Variants in HDAC5 observed in about 807,000 individuals in gnomAD.
The protein encoded by HDAC5 is antigen NY-CO-9.
HDAC5 carries 25 observed loss-of-function variants against 133.3 expected under a neutral mutation model. That is an observed-to-expected ratio of 0.19 (90% CI 0.14 to 0.26). HDAC5 has a LOEUF of 0.26. HDAC5 is among the 10% of genes least tolerant of loss of function. The pLI is 1.00. For synonymous variants in HDAC5, 589 were observed against 610.8 expected (o/e 0.96, Z 0.53); for missense variants, 1,041 against 1,460.5 (o/e 0.71, Z 4.68).
chr17:44,111,574 C>T (rs1029577211), intron 2 of HDAC5: 12 of 516,686 alleles, frequency 2.3e-5, no homozygotes, highest in Non-Finnish European at 4.6e-5. Context: ...CGTCTTTCTT[C>T]TTGCCTTCCA....
In HDAC5 at chr17:44,077,290, T is replaced by C. The variant is rs917713366; in HGVS notation, c.*1086A>G. 3.3e-5 allele frequency: 5 copies of C among 152,600 alleles called. No homozygotes were observed. The highest frequency in any genetic ancestry group is 1.2e-4 in the African/African-American group (5 of 41,404). 9.5% of individuals were successfully genotyped at this position (152,600 alleles called of 1,614,324 possible). On this transcript the variant is annotated 3_prime_UTR_variant, in exon 27 of 27. Transcript: ENST00000682912. Reference sequence around the variant, plus strand: ...GACAGCGCCCAGCCCCCTCCTGGTCTTAGCTCCCTTGGGCTGGTGGTCAGC... The same window carrying C: ...GACAGCGCCCAGCCCCCTCCTGGTCCTAGCTCCCTTGGGCTGGTGGTCAGC...
At chr17:44,078,916 G>A in intron 24 of HDAC5, 37 bp from the exon 25 acceptor site, 5 of 1,606,988 alleles carry the variant, frequency 3.1e-6, no homozygotes, top group Non-Finnish European at 4.3e-6. Flanking sequence ...AGGGTGGGGA[G>A]TAGGGTTGCC....
At chr17:44,116,540 T>C (rs374474980) in intron 2 of HDAC5, among the ~76,000 whole-genome samples, 13 of 152,246 alleles carry the variant, frequency 8.5e-5, no homozygotes, top group African/African-American at 2.9e-4. Flanking sequence ...AATTGCCCTA[T>C]CTCTAAAAGG....
At chr17:44,083,962 A>G (rs2050521289) in intron 16 of HDAC5, 108 bp from the exon 17 acceptor site, 2 of 871,060 alleles carry the variant, frequency 2.3e-6, no homozygotes, top group Non-Finnish European at 3.9e-6. Flanking sequence ...CATCTCTACT[A>G]AAAATACAAA....
intron 2 of HDAC5, among the ~76,000 whole-genome samples, chr17:44,113,529 A>G (rs57999394): frequency 0.019 from 2,954 of 152,190 alleles, 96 homozygotes; most frequent in African/African-American, 0.068. Flanking sequence ...TCTAACTTCA[A>G]TCCTTCATGC....
intron 3 of HDAC5, among the ~76,000 whole-genome samples, chr17:44,110,192 A>G (rs1266772830): frequency 6.6e-6 from 1 of 152,230 alleles, no homozygotes; most frequent in Non-Finnish European, 1.5e-5. Flanking sequence ...GCCTAACTCC[A>G]TCATGACTGC....
At position 44,083,837 on chromosome 17, in the gene HDAC5, T is replaced by C; in HGVS notation, c.2323A>G (p.Met775Val). 6.6e-7 allele frequency: 1 copy of C among 1,513,292 alleles called. No individual in the cohort carries two copies. The highest frequency in any genetic ancestry group is 8.9e-7 in the Non-Finnish European group (1 of 1,118,138). The allele number at this position is 1,513,292 out of a possible 1,614,324, so 93.7% of individuals were successfully genotyped here. A position where few individuals can be genotyped will look rare whatever the true frequency, so the allele number is the denominator to read the frequency against. ...CCCCCACAAGGCAGCACAGCATACATCTTCTGGCTGATGGGGCCTGCATGG... is the reference window on the plus strand; with the variant it reads ...CCCCCACAAGGCAGCACAGCATACACCTTCTGGCTGATGGGGCCTGCATGG... ...KKLLGPISQKMYAVLPCGGIG... is the reference protein window; with the variant it reads ...KKLLGPISQKVYAVLPCGGIG... Residue 775 changes from methionine (M) to valine (V), a missense_variant, in exon 17 of 27, where the codon ATG (methionine) becomes GTG (valine). Met to Val is a conservative substitution (Grantham distance 21, BLOSUM62 1). This residue lies in a region of HDAC5 where 31 missense variants were observed against 27.0 expected (regional missense o/e 1.15). Transcript: ENST00000682912.
rs540665681 is a variant in HDAC5, at chr17:44,103,987, C to T, written c.94+6742G>A. Among the ~76,000 whole-genome samples, 6 of 152,000 alleles carry T rather than the reference C, an allele frequency of 3.9e-5. No homozygotes were observed. The South Asian group carries it at 1.3e-3, about 32-fold the overall frequency. ...CCTCCCAAAGTGCTGGAATTATACG[C>T]GTGAGCCACCATGCCTGGCCTTCTC... is the stretch of plus-strand genomic sequence containing the variant. On this transcript the variant is annotated intron_variant, in intron 3 of 26. Transcript: ENST00000682912.
intron 8 of HDAC5, 38 bp downstream of exon 8, chr17:44,092,343 C>T: frequency 6.2e-7 from 1 of 1,611,800 alleles, no homozygotes; most frequent in Non-Finnish European, 8.5e-7. Flanking sequence ...CCCCTGATTC[C>T]CAGACCCTCA....
chr17:44,104,311 A>C (rs1425429193), intron 3 of HDAC5, among the ~76,000 whole-genome samples: 1 of 152,176 alleles, frequency 6.6e-6, no homozygotes. Context: ...CTCAAAAAAA[A>C]ATTAAAAAAA....
chr17:44,097,773 C>T (rs1357541414), intron 3 of HDAC5, among the ~76,000 whole-genome samples: 1 of 152,260 alleles, frequency 6.6e-6, no homozygotes, highest in Non-Finnish European at 1.5e-5. Context: ...CTCCTGGCTC[C>T]CAGCAGATAA....
intron 1 of HDAC5, among the ~76,000 whole-genome samples, chr17:44,122,577 G>A (rs1031095904): frequency 6.6e-6 from 1 of 152,030 alleles, no homozygotes; most frequent in Non-Finnish European, 1.5e-5. Context: ...TTTCAGAAGG[G>A]GTATCAGCCA....
In HDAC5 at chr17:44,087,629, A is replaced by ATC. The variant is rs749602607; in HGVS notation, c.1666_1667insGA (p.Leu556ArgfsTer2). 6.2e-7 allele frequency: 1 copy of ATC among 1,613,546 alleles called. No homozygotes were observed. ...CAGCAAGACCTCCTGCTGCTCCGTCAGCTCCTCCTCTGTCTCCTCAGGGTG... is the reference window on the plus strand; with the variant it reads ...CAGCAAGACCTCCTGCTGCTCCGTCATCGCTCCTCCTCTGTCTCCTCAGGGTG... On this transcript the variant is annotated frameshift_variant, in exon 13 of 27. Transcript: ENST00000682912. LOFTEE classifies it high-confidence loss of function.
chr17:44,083,296 C>T (rs182530710), intron 18 of HDAC5, among the ~76,000 whole-genome samples: 11 of 152,344 alleles, frequency 7.2e-5, no homozygotes, highest in Admixed American at 7.2e-4. Context: ...GAATGCCAAC[C>T]ATGAGGCTTG....
At position 44,116,370 on chromosome 17, in the gene HDAC5, C is replaced by T. The variant is rs192986882; in HGVS notation, c.22+1124G>A. On this transcript the variant is annotated intron_variant, in intron 2 of 26. Coordinates refer to ENST00000682912, the MANE Select transcript of HDAC5 (RefSeq NM_005474.5). ...GCTGGGCAGCCCACCTGTCCCAGCC[C>T]CTAGGGGCTGAATGAGGGCAAGGGC... Among the ~76,000 whole-genome samples, 403 of 152,206 alleles carry T rather than the reference C, an allele frequency of 2.6e-3. 2 individuals carry two copies. Among genetic ancestry groups the T allele is most frequent in the African/African-American group, 9.2e-3 (382 of 41,548 alleles).
intron 1 of HDAC5, among the ~76,000 whole-genome samples, chr17:44,119,571 C>T (rs2052857856): frequency 6.6e-6 from 1 of 152,204 alleles, no homozygotes. Flanking sequence ...TACGTCTACT[C>T]CTCCCCGTCC....
intron 11 of HDAC5, among the ~76,000 whole-genome samples, chr17:44,089,724 G>A (rs1434424112): frequency 9.1e-6 from 1 of 109,444 alleles, no homozygotes; most frequent in Non-Finnish European, 1.7e-5. Flanking sequence ...TCCAGCCTGG[G>A]CAACAAGAGT....
At chr17:44,090,766 T>G (rs1364807538) in intron 11 of HDAC5, among the ~76,000 whole-genome samples, 1 of 151,980 alleles carries the variant, frequency 6.6e-6, no homozygotes, top group Non-Finnish European at 1.5e-5. Context: ...CTCGGCTCAC[T>G]GCAAGCTCCG....
chr17:44,100,848 G>A (rs557087498), intron 3 of HDAC5, among the ~76,000 whole-genome samples: 23 of 149,704 alleles, frequency 1.5e-4, no homozygotes, highest in African/African-American at 5.3e-4. Flanking sequence ...GAGTGCAGTG[G>A]CGTGATCTCG....
Sources: allele counts gnomAD v4.1 joint callset (sites outside exome capture counted in the v4.1 genomes callset), GRCh38; gene constraint gnomAD v4.1.1; regional missense constraint gnomAD v4.1.1; transcripts MANE v1.5; gene names NCBI Gene and HGNC (gene_info 2026-07-23, HGNC 2026-07-21).